Variants in EYS observed in about 807,000 individuals in gnomAD.
EYS encodes the protein protein eyes shut homolog.
A neutral mutation model predicts 282.1 loss-of-function variants in EYS; 250 were observed. The ratio of observed to expected loss-of-function variants is 0.89; its 90% CI spans 0.80 to 0.98. The LOEUF (loss-of-function observed/expected upper bound fraction) is 0.98. EYS is among the 50% of genes least tolerant of loss of function. The pLI is 0.00. For synonymous variants in EYS, 1,355 were observed against 1,282.9 expected (o/e 1.06, Z -1.20); for missense variants, 4,016 against 3,709.0 (o/e 1.08, Z -2.15).
At chr6:64,583,383 C>T (rs2149826016) in intron 26 of EYS, among the ~76,000 whole-genome samples, 1 of 152,172 alleles carries the variant, frequency 6.6e-6, no homozygotes, top group East Asian at 1.9e-4. Flanking sequence ...AGAGTTACAG[C>T]TCATATTTGA....
At chr6:65,395,643 T>A (rs929744203) in intron 7 of EYS, among the ~76,000 whole-genome samples, 16 of 152,270 alleles carry the variant, frequency 1.1e-4, no homozygotes, top group African/African-American at 3.8e-4. Context: ...ATTCATCTTT[T>A]TCGTCTTTAT....
intron 5 of EYS, among the ~76,000 whole-genome samples, chr6:65,455,936 A>G (rs2150405517): frequency 6.6e-6 from 1 of 151,604 alleles, no homozygotes; most frequent in East Asian, 1.9e-4. Flanking sequence ...ATACCGGACA[A>G]GGATGCAGGA....
At chr6:64,449,257 C>T (rs555133669) in intron 26 of EYS, among the ~76,000 whole-genome samples, 15 of 151,620 alleles carry the variant, frequency 9.9e-5, no homozygotes, top group African/African-American at 1.9e-4. Flanking sequence ...AGGGTATCAG[C>T]GATGGAAGAC....
At chr6:63,976,443 C>T (rs1018239292) in intron 35 of EYS, among the ~76,000 whole-genome samples, 1 of 151,968 alleles carries the variant, frequency 6.6e-6, no homozygotes, top group Non-Finnish European at 1.5e-5. Flanking sequence ...GTTAATTAGA[C>T]CAGGACTCTG....
intron 12 of EYS, among the ~76,000 whole-genome samples, chr6:65,114,929 A>G (rs747808580): frequency 4.6e-5 from 7 of 152,004 alleles, no homozygotes; most frequent in Non-Finnish European, 7.4e-5. Context: ...CCATTACCCT[A>G]TAAACTTTTC....
At chr6:64,819,443 T>A (rs1487282583) in intron 21 of EYS, among the ~76,000 whole-genome samples, 1 of 152,042 alleles carries the variant, frequency 6.6e-6, no homozygotes, top group Non-Finnish European at 1.5e-5. Flanking sequence ...GTCCAAAAAC[T>A]AACCCATATA....
chr6:63,884,677 C>T (rs1018169092), intron 35 of EYS, among the ~76,000 whole-genome samples: 24 of 152,126 alleles, frequency 1.6e-4, no homozygotes, highest in African/African-American at 3.6e-4. Flanking sequence ...TCAGATAGTC[C>T]GTCAAATCCT....
chr6:64,060,217 T>A (rs1771118078), intron 33 of EYS, among the ~76,000 whole-genome samples: 1 of 152,190 alleles, frequency 6.6e-6, no homozygotes, highest in Non-Finnish European at 1.5e-5. Context: ...TTTTTATATA[T>A]TTTAGAAAAT....
intron 29 of EYS, among the ~76,000 whole-genome samples, chr6:64,350,244 A>G (rs982176153): frequency 3.3e-5 from 5 of 151,580 alleles, no homozygotes; most frequent in Non-Finnish European, 7.4e-5. Flanking sequence ...ACAATTTTAG[A>G]AAAATAAATA....
chr6:64,947,844 G>A (rs1056357523), intron 14 of EYS, among the ~76,000 whole-genome samples: 6 of 151,556 alleles, frequency 4.0e-5, no homozygotes, highest in African/African-American at 1.5e-4. Flanking sequence ...AAAATCTTCG[G>A]GACATGCCCA....
intron 2 of EYS, among the ~76,000 whole-genome samples, chr6:65,504,487 G>A (rs1382697230): frequency 6.6e-6 from 1 of 151,630 alleles, no homozygotes; most frequent in Non-Finnish European, 1.5e-5. Flanking sequence ...CAGACCTTTG[G>A]AGGAAAGTAT....
intron 12 of EYS, among the ~76,000 whole-genome samples, chr6:65,291,690 C>G (rs1246208728): frequency 6.6e-6 from 1 of 151,426 alleles, no homozygotes; most frequent in Non-Finnish European, 1.5e-5. Context: ...GATGAATACT[C>G]CTTGAGACAG....
At chr6:65,378,546 A>G (rs753522997) in intron 8 of EYS, among the ~76,000 whole-genome samples, 2 of 152,204 alleles carry the variant, frequency 1.3e-5, no homozygotes, top group South Asian at 2.1e-4. Flanking sequence ...ATATATCCAA[A>G]GGATTATAAT....
At chr6:65,226,917 A>AC (rs752737032) in intron 12 of EYS, among the ~76,000 whole-genome samples, 12 of 152,276 alleles carry the variant, frequency 7.9e-5, no homozygotes, top group Non-Finnish European at 1.6e-4. Context: ...CATAACAAAC[A>AC]ATGGAATATT....
chr6:64,708,812 CTGCTG>C (rs773948369), intron 22 of EYS, among the ~76,000 whole-genome samples: 8 of 152,180 alleles, frequency 5.3e-5, no homozygotes, highest in Non-Finnish European at 1.2e-4. Flanking sequence ...GTTGTGATGC[CTGCTG>C]TGCCATGAAA....
intron 13 of EYS, among the ~76,000 whole-genome samples, chr6:65,042,322 C>T (rs1254536556): frequency 1.3e-5 from 2 of 151,264 alleles, no homozygotes; most frequent in East Asian, 1.9e-4. Flanking sequence ...ATCTATACCT[C>T]GGTTGGATTT....
intron 31 of EYS, among the ~76,000 whole-genome samples, chr6:64,132,157 G>A (rs1774000233): frequency 6.6e-6 from 1 of 151,968 alleles, no homozygotes; most frequent in Non-Finnish European, 1.5e-5. Context: ...GAAACTAGAT[G>A]ATTTGCTTTC....
At position 64,616,507 on chromosome 6, in the gene EYS, T is replaced by C. The variant is rs549311276; in HGVS notation, c.3684+911A>G. Among the ~76,000 whole-genome samples the C allele has an allele frequency of 4.6e-5, 7 of 151,826 alleles. No individual in the cohort carries two copies. In the South Asian group the frequency reaches 1.4e-3, roughly 31 times the overall value. On this transcript the variant is annotated intron_variant, in intron 24 of 42. Transcript: ENST00000503581. ...AGCATTGGACTTAAGCCCAGGTCCT[T>C]CTACAATTGATTTTTCAAAATCTTG...
intron 13 of EYS, among the ~76,000 whole-genome samples, chr6:65,050,025 G>A (rs981846328): frequency 6.6e-6 from 1 of 151,376 alleles, no homozygotes; most frequent in Non-Finnish European, 1.5e-5. Context: ...AGGTTATAAA[G>A]GAAGAAGGAA....
Sources: gnomAD v4.1 joint callset for allele counts (sites outside exome capture counted in the v4.1 genomes callset) on GRCh38, gnomAD v4.1.1 for gene constraint, MANE v1.5 for transcripts, NCBI Gene and HGNC (gene_info 2026-07-23, HGNC 2026-07-21) for gene names.